CALHM6: variants seen among roughly 807,000 people sequenced by gnomAD.
The protein encoded by CALHM6 is calcium homeostasis modulator family member 6, also known as calcium homeostasis modulator protein 6.
CALHM6 carries 15 observed loss-of-function variants against 12.7 expected under a neutral mutation model. That is an observed-to-expected ratio of 1.18 (90% CI 0.79 to 1.82). The LOEUF is 1.82. Among genes scored for constraint, CALHM6 ranks in the 40% most tolerant of loss-of-function variants. The pLI is 0.00. For missense variants in CALHM6, 434 were observed against 421.0 expected (o/e 1.03, Z -0.27); for synonymous variants, 212 against 193.7 (o/e 1.09, Z -0.78).
chr6:116,463,360 A>G lies in CALHM6; in HGVS notation c.603A>G (p.Pro201=), dbSNP rs1182461764. Residue 201 remains proline (P), a synonymous_variant, in exon 3 of 3, where the codon CCA becomes CCG. Transcript: ENST00000368605. Reference sequence around the variant, plus strand: ...CATCTGTCACCCGATGCCTATCTCCAGTTAGTTTTCTGCAGCTGAAATTCT... The same window carrying G: ...CATCTGTCACCCGATGCCTATCTCCGGTTAGTTTTCTGCAGCTGAAATTCT... The part of the protein sequence containing the change: ...IFTSVTRCLS[P]VSFLQLKFWK... 1.9e-6 allele frequency: 3 copies of G among 1,614,098 alleles called. No homozygotes were observed. The highest frequency in any genetic ancestry group is 1.7e-6 in the Non-Finnish European group (2 of 1,180,008).
At chr6:116,461,658 C>A (rs1469890446) in intron 1 of CALHM6, among the ~76,000 whole-genome samples, 1 of 151,748 alleles carries the variant, frequency 6.6e-6, no homozygotes, top group African/African-American at 2.4e-5. Flanking sequence ...GGTGCCTCTG[C>A]CTTTGGAATG....
At chr6:116,461,724 A>T in intron 1 of CALHM6, 148 bp from the exon 2 acceptor site, 1 of 693,446 alleles carries the variant, frequency 1.4e-6, no homozygotes, top group Non-Finnish European at 2.3e-6. Context: ...TGGTTCTGTT[A>T]ACCAGAGGTG....
chr6:116,462,204 C>G lies in CALHM6; in HGVS notation c.275C>G (p.Ala92Gly), dbSNP rs1470068751. The G allele has an allele frequency of 2.0e-6, 3 of 1,491,976 alleles. No homozygotes were observed. Among genetic ancestry groups the G allele is most frequent in the South Asian group, 2.5e-5 (2 of 78,622 alleles). 92.4% of individuals were successfully genotyped at this position (1,491,976 alleles called of 1,614,324 possible). A position where few individuals can be genotyped will look rare whatever the true frequency, so the allele number is the denominator to read the frequency against. ...AGCGCCCGCGCGAGTTGCGGATCGG[C>G]GCTGCGCGGCTCCCTGGTGTGCACG... ...CSSARASCGS[A>G]LRGSLVCTQI... The change falls in exon 2 of 3, where the codon GCG (alanine) becomes GGG (glycine). Residue 92 changes from alanine to glycine, a missense_variant. Coordinates refer to ENST00000368605, the MANE Select transcript of CALHM6 (RefSeq NM_001010919.3).
In CALHM6 at chr6:116,463,677, C is replaced by A; in HGVS notation, c.920C>A (p.Ser307Tyr). The A allele has an allele frequency of 6.2e-7, 1 of 1,608,462 alleles. No individual in the cohort carries two copies. Among genetic ancestry groups the A allele is most frequent in the Non-Finnish European group, 8.5e-7 (1 of 1,177,234 alleles). ...VIPVLGFVDS[S>Y]GINSTPEL ...CCTGTTCTTGGCTTTGTAGATTCAT[C>A]TGGTATAAACAGCACTCCTGAGTTA... Residue 307 changes from serine to tyrosine, a missense_variant, in exon 3 of 3, where the codon TCT becomes TAT. Coordinates refer to ENST00000368605, the MANE Select transcript of CALHM6 (RefSeq NM_001010919.3).
In CALHM6 at chr6:116,463,243, A is replaced by G. The variant is rs776192794; in HGVS notation, c.526-40A>G. ...AGGATTTTTAAATTTCTTGTAAAAA[A>G]CCAAGTAACTAAATTACTATTTTGT... On this transcript the variant is annotated intron_variant, in intron 2 of 2. Transcript: ENST00000368605. 1.9e-6 allele frequency: 3 copies of G among 1,541,220 alleles called. No homozygotes were observed. The South Asian group carries it at 3.7e-5, about 19-fold the overall frequency.
At chr6:116,461,792 T>TAAAAAAAAA (rs4031591) in intron 1 of CALHM6, 80 bp from the exon 2 acceptor site, 15 of 747,352 alleles carry the variant, frequency 2.0e-5, no homozygotes, top group African/African-American at 1.9e-4. Context: ...CTCTTCCCTT[T>TAAAAAAAAA]AAAAAAAAAA....
At position 116,462,153 on chromosome 6, in the gene CALHM6, G is replaced by C. The variant is rs1784787102; in HGVS notation, c.224G>C (p.Trp75Ser). The change falls in exon 2 of 3, where the codon TGG (tryptophan) becomes TCG (serine). Residue 75 changes from tryptophan to serine, a missense_variant. Physicochemically the swap from Trp to Ser is radical, Grantham distance 177 (BLOSUM62 -3). Coordinates refer to ENST00000368605, the MANE Select transcript of CALHM6 (RefSeq NM_001010919.3). ...GGCTACGTGCTGAGCGCACGCACGT[G>C]GCGCCTGCTCACCGGATGCTGCTCC... ...LLGYVLSARTWRLLTGCCSSA... is the reference protein window; with the variant it reads ...LLGYVLSARTSRLLTGCCSSA... 6.5e-7 allele frequency: 1 copy of C among 1,529,714 alleles called. No homozygotes were observed. The highest frequency in any genetic ancestry group is 1.4e-5 in the African/African-American group (1 of 72,300). The allele number at this position is 1,529,714 out of a possible 1,614,324, so 94.8% of individuals were successfully genotyped here.
At position 116,462,059 on chromosome 6, in the gene CALHM6, A is replaced by T. The variant is rs1784781818; in HGVS notation, c.130A>T (p.Ser44Cys). Residue 44 changes from serine to cysteine, a missense_variant, in exon 2 of 3, where the codon AGC becomes TGC. Coordinates refer to ENST00000368605, the MANE Select transcript of CALHM6 (RefSeq NM_001010919.3). ...CGCCGTGGCATTCCAGTGCCCGTGC[A>T]GCGCCGCCTGGAACCTGCCCTACGG... Reference protein sequence around the residue: ...FSAVAFQCPCSAAWNLPYGLV... With the variant: ...FSAVAFQCPCCAAWNLPYGLV... 6.5e-7 allele frequency: 1 copy of T among 1,548,242 alleles called. No homozygotes were observed. The highest frequency in any genetic ancestry group is 2.4e-5 in the East Asian group (1 of 40,852).
At chr6:116,463,143 T>C (rs568589155) in intron 2 of CALHM6, 140 bp from the exon 3 acceptor site, 1 of 802,286 alleles carries the variant, frequency 1.2e-6, no homozygotes, top group Non-Finnish European at 2.0e-6. Flanking sequence ...TGCGACACCT[T>C]ACTCTTAAGG....
At position 116,463,757 on chromosome 6, in the gene CALHM6, A is replaced by C; in HGVS notation, c.*52A>C. 1.5e-6 allele frequency: 2 copies of C among 1,378,902 alleles called. No homozygotes were observed. The highest frequency in any genetic ancestry group is 1.9e-6 in the Non-Finnish European group (2 of 1,028,736). The allele number at this position is 1,378,902 out of a possible 1,614,324, so 85.4% of individuals were successfully genotyped here. On this transcript the variant is annotated 3_prime_UTR_variant, in exon 3 of 3. Transcript: ENST00000368605. ...TGTTTTGAATTATTGCTTTATTAAA[A>C]AATAAACATTGGTATTTTTTGAGTG...
Position 116,463,466 on chromosome 6 carries a change from AT to A in CALHM6, c.711del (p.Lys238AsnfsTer17). 2 of 1,614,206 alleles carry A rather than the reference AT, an allele frequency of 1.2e-6. No individual in the cohort carries two copies. Among genetic ancestry groups the A allele is most frequent in the Non-Finnish European group, 1.7e-6 (2 of 1,180,036 alleles). On this transcript the variant is annotated frameshift_variant, in exon 3 of 3. Transcript: ENST00000368605. LOFTEE classifies it low-confidence loss of function (END_TRUNC). ...TGCAACTGAATTGGCAAAAGAGAAT[AT>A]TAAATGTTTCTTTGAGGGCTCGCAT... ...EHATELAKENIKCFFEGSHPK... is the reference protein window; with the variant it reads ...EHATELAKENXKCFFEGSHPK...
rs1784778423 is a variant in CALHM6 at position 116,461,948 on chromosome 6, G to T, written c.19G>T (p.Val7Leu). 3 of 1,536,334 alleles carry T rather than the reference G, an allele frequency of 2.0e-6. No homozygotes were observed. The highest frequency in any genetic ancestry group is 2.6e-6 in the Non-Finnish European group (3 of 1,138,228). ...GAGGCTCATGGAGAAGTTTCGGGCG[G>T]TGCTGGACCTGCACGTCAAGCACCA... MEKFRA[V>L]LDLHVKHHSA... Residue 7 changes from valine to leucine, a missense_variant, in exon 2 of 3, where the codon GTG (valine) becomes TTG (leucine). By Grantham distance (32) the Val-to-Leu change is conservative. Coordinates refer to ENST00000368605, the MANE Select transcript of CALHM6 (RefSeq NM_001010919.3).
rs1230380883 is a variant in CALHM6 at position 116,462,361 on chromosome 6, C to T, written c.432C>T (p.Arg144=). 4.8e-6 allele frequency: 7 copies of T among 1,453,146 alleles called. No individual in the cohort carries two copies. The highest frequency in any genetic ancestry group is 2.7e-5 in the South Asian group (2 of 73,358). 90.0% of individuals were successfully genotyped at this position (1,453,146 alleles called of 1,614,324 possible). Residue 144 remains arginine, a synonymous_variant, in exon 2 of 3, where the codon CGC becomes CGT. Transcript: ENST00000368605. ...AGCGCCTGTGCCTCGGCCGCAACCG[C>T]AGCTGCGCCGCGGAGCTGCCGCTGG... The part of the protein sequence containing the change: ...FAQRLCLGRN[R]SCAAELPLVP...
In CALHM6 at chr6:116,463,692, C is replaced by T. The variant is rs749654808; in HGVS notation, c.935C>T (p.Thr312Ile). 2.5e-6 allele frequency: 4 copies of T among 1,586,620 alleles called. No homozygotes were observed. Among genetic ancestry groups the T allele is most frequent in the South Asian group, 1.2e-5 (1 of 86,784 alleles). ...GTAGATTCATCTGGTATAAACAGCA[C>T]TCCTGAGTTATGACCTTTTGAATGA... ...GFVDSSGINS[T>I]PEL Residue 312 changes from threonine (T) to isoleucine (I), a missense_variant, in exon 3 of 3, where the codon ACT becomes ATT. By Grantham distance (89) the Thr-to-Ile change is moderately conservative. Transcript: ENST00000368605.
chr6:116,461,605 C>A (rs1784770378), intron 1 of CALHM6, among the ~76,000 whole-genome samples, 176 bp downstream of exon 1: 1 of 151,876 alleles, frequency 6.6e-6, no homozygotes, highest in Non-Finnish European at 1.5e-5. Flanking sequence ...GGAACAAGGT[C>A]AACCTTCTGT....
Position 116,463,318 on chromosome 6 carries a change from C to A in CALHM6, c.561C>A (p.Ile187=). The change falls in exon 3 of 3, where the codon ATC becomes ATA. Residue 187 remains isoleucine (I), a synonymous_variant. Transcript: ENST00000368605. ...GGATCTTGATAGCAGTTGTTATCAT[C>A]ATTCTTCTGATTTTTACATCTGTCA... is the stretch of plus-strand genomic sequence containing the variant. ...LGWILIAVVI[I]ILLIFTSVTR... 6.2e-7 allele frequency: 1 copy of A among 1,613,908 alleles called. No individual in the cohort carries two copies. The highest frequency in any genetic ancestry group is 8.5e-7 in the Non-Finnish European group (1 of 1,179,940).
chr6:116,463,281 A>C lies in CALHM6; in HGVS notation c.526-2A>C, dbSNP rs1263489304. ...ATTACTATTTTGTTGTGTTTTCTTA[A>C]GGTGTTGGGCTGGATCTTGATAGCA... On this transcript the variant is annotated splice_acceptor_variant, in intron 2 of 2. Coordinates refer to ENST00000368605, the MANE Select transcript of CALHM6 (RefSeq NM_001010919.3). LOFTEE classifies it high-confidence loss of function. The C allele has an allele frequency of 4.4e-6, 7 of 1,590,570 alleles. No homozygotes were observed. Among genetic ancestry groups the C allele is most frequent in the Non-Finnish European group, 6.0e-6 (7 of 1,169,336 alleles).
chr6:116,462,150 C>T lies in CALHM6; in HGVS notation c.221C>T (p.Thr74Met). Residue 74 changes from threonine (T) to methionine (M), a missense_variant, in exon 2 of 3, where the codon ACG becomes ATG. Coordinates refer to ENST00000368605, the MANE Select transcript of CALHM6 (RefSeq NM_001010919.3). The stretch of plus-strand genomic sequence containing the variant: ...CTGGGCTACGTGCTGAGCGCACGCA[C>T]GTGGCGCCTGCTCACCGGATGCTGC... ...FLLGYVLSAR[T>M]WRLLTGCCSS... 6.5e-7 allele frequency: 1 copy of T among 1,530,140 alleles called. No individual in the cohort carries two copies. The highest frequency in any genetic ancestry group is 8.8e-7 in the Non-Finnish European group (1 of 1,141,444). The allele number at this position is 1,530,140 out of a possible 1,614,324, so 94.8% of individuals were successfully genotyped here. A position where few individuals can be genotyped will look rare whatever the true frequency, so the allele number is the denominator to read the frequency against.
Position 116,462,243 on chromosome 6 carries a change from C to A in CALHM6, c.314C>A (p.Ala105Asp). 1 of 1,370,756 alleles carries A rather than the reference C, an allele frequency of 7.3e-7. No individual in the cohort carries two copies. 84.9% of individuals were successfully genotyped at this position (1,370,756 alleles called of 1,614,324 possible). A position where few individuals can be genotyped will look rare whatever the true frequency, so the allele number is the denominator to read the frequency against. ...CTGGTGTGCACGCAAATCAGCGCGG[C>A]CGCCGCGCTCGCGCCCCTCACCTGG... ...GSLVCTQISA[A>D]AALAPLTWVA... The change falls in exon 2 of 3, where the codon GCC becomes GAC. Residue 105 changes from alanine (A) to aspartate (D), a missense_variant. By Grantham distance (126) the Ala-to-Asp change is moderately radical (BLOSUM62 -2). Coordinates refer to ENST00000368605, the MANE Select transcript of CALHM6 (RefSeq NM_001010919.3).
Sources: allele counts gnomAD v4.1 joint callset (sites outside exome capture counted in the v4.1 genomes callset), GRCh38; gene constraint gnomAD v4.1.1; transcripts MANE v1.5; gene names NCBI Gene and HGNC (gene_info 2026-07-23, HGNC 2026-07-21).